Variants in KALRN observed in about 807,000 individuals in gnomAD.
KALRN encodes kalirin.
KALRN carries 70 observed loss-of-function variants against 353.7 expected under a neutral mutation model. The ratio of observed to expected loss-of-function variants is 0.20; its 90% CI spans 0.16 to 0.24. The LOEUF (loss-of-function observed/expected upper bound fraction) is 0.24. KALRN is among the 10% of genes least tolerant of loss of function. KALRN has a pLI of 1.00. For synonymous variants in KALRN, 1,391 were observed against 1,434.8 expected (o/e 0.97, Z 0.69); for missense variants, 2,791 against 3,756.7 (o/e 0.74, Z 6.72).
rs189537401 is a variant in KALRN at position 124,560,426 on chromosome 3, G to A, written c.4936-2417G>A. On this transcript the variant is annotated intron_variant, in intron 33 of 59. Transcript: ENST00000682506. ...AGAAAGAATTTCAGTCATCTAGGCCGGCATTCTACAGAGTCCATTAGCGAG... is the reference window on the plus strand; with the variant it reads ...AGAAAGAATTTCAGTCATCTAGGCCAGCATTCTACAGAGTCCATTAGCGAG... Among the ~76,000 whole-genome samples, 17 of 152,326 alleles carry A rather than the reference G, an allele frequency of 1.1e-4. No individual in the cohort carries two copies. In the East Asian group the frequency reaches 2.7e-3, roughly 24 times the overall value.
intron 33 of KALRN, among the ~76,000 whole-genome samples, chr3:124,500,473 T>A (rs2064387046): frequency 6.6e-6 from 1 of 152,134 alleles, no homozygotes; most frequent in South Asian, 2.1e-4. Flanking sequence ...TTCTTTAACA[T>A]CTCCAGGGAA....
At chr3:124,420,184 A>G (rs986356529) in intron 14 of KALRN, among the ~76,000 whole-genome samples, 3 of 152,258 alleles carry the variant, frequency 2.0e-5, no homozygotes, top group Admixed American at 2.0e-4. Context: ...GAGATGGATG[A>G]AAATGCAGGG....
intron 25 of KALRN, among the ~76,000 whole-genome samples, chr3:124,467,405 T>C (rs1215503982): frequency 6.6e-6 from 1 of 152,118 alleles, no homozygotes; most frequent in Non-Finnish European, 1.5e-5. Context: ...GACATATCTG[T>C]CTGCAATAAG....
intron 34 of KALRN, among the ~76,000 whole-genome samples, chr3:124,612,207 A>G (rs761902997): frequency 6.6e-6 from 1 of 150,564 alleles, no homozygotes; most frequent in African/African-American, 2.4e-5. Context: ...TAATTTTTTT[A>G]ATTTTTATTT....
rs549646308 is a variant in KALRN at position 124,244,299 on chromosome 3, G to A, written c.263+9356G>A. Among the ~76,000 whole-genome samples the A allele has an allele frequency of 2.6e-5, 4 of 152,136 alleles. No homozygotes were observed. The South Asian group carries it at 6.2e-4, about 24-fold the overall frequency. On this transcript the variant is annotated intron_variant, in intron 3 of 59. Coordinates refer to ENST00000682506, the MANE Select transcript of KALRN (RefSeq NM_001388419.1). ...GTCACCCAGGCTGGAGTGCAATGGC[G>A]TGATCTTGGCTCACTGCAACCTCCG...
In KALRN at chr3:124,215,236, C is replaced by T. The variant is rs1320912845; in HGVS notation, c.74-12754C>T. 5.9e-5 allele frequency among the ~76,000 whole-genome samples: 9 copies of T among 152,080 alleles called. 1 individual carries two copies. Among genetic ancestry groups the T allele is most frequent in the Admixed American group, 5.2e-4 (8 of 15,274 alleles). ...GAGGCTTTCTTTTACATCTGGGGCA[C>T]CTGGGTAGGGGAGCAGGAGTAGTTG... On this transcript the variant is annotated intron_variant, in intron 1 of 59. Coordinates refer to ENST00000682506, the MANE Select transcript of KALRN (RefSeq NM_001388419.1).
rs181884554 is a variant in KALRN at position 124,430,781 on chromosome 3, A to C, written c.2829+6A>C. ...AGTTCCAACTGGCCATCGAGGTAAC[A>C]CCCAAATCTGGCTGCACTGTCCTCC... is the stretch of plus-strand genomic sequence containing the variant. On this transcript the variant is annotated splice_donor_region_variant and intron_variant, in intron 16 of 59. Transcript: ENST00000682506. 3.1e-6 allele frequency: 5 copies of C among 1,613,408 alleles called. No individual in the cohort carries two copies. Among genetic ancestry groups the C allele is most frequent in the Non-Finnish European group, 4.2e-6 (5 of 1,179,754 alleles).
At chr3:124,665,844 C>G (rs552955448) in intron 45 of KALRN, among the ~76,000 whole-genome samples, 7 of 152,274 alleles carry the variant, frequency 4.6e-5, no homozygotes, top group Non-Finnish European at 8.8e-5. Flanking sequence ...CTATAGTACC[C>G]CCAACTTTAC....
intron 3 of KALRN, among the ~76,000 whole-genome samples, chr3:124,263,993 T>C (rs965832652): frequency 4.6e-5 from 7 of 151,670 alleles, no homozygotes; most frequent in African/African-American, 1.7e-4. Context: ...ACAAGTACAG[T>C]TGACTACAGG....
chr3:124,354,293 G>A (rs2083149486), intron 10 of KALRN, among the ~76,000 whole-genome samples: 1 of 152,198 alleles, frequency 6.6e-6, no homozygotes, highest in Admixed American at 6.5e-5. Context: ...TGTGATGGCA[G>A]TAACTACAGC....
At position 124,721,170 on chromosome 3, in the gene KALRN, T is replaced by C. The variant is rs1179310283; in HGVS notation, c.*1700T>C. ...CACAGAGAAAATGTAAAATTAAAAA[T>C]CATCATCTTTTTTTTTCCATTGGTT... On this transcript the variant is annotated 3_prime_UTR_variant, in exon 60 of 60. Transcript: ENST00000682506. 2 of 152,116 alleles carry C rather than the reference T, an allele frequency of 1.3e-5. No homozygotes were observed. Among genetic ancestry groups the C allele is most frequent in the African/African-American group, 4.8e-5 (2 of 41,418 alleles). 9.4% of individuals were successfully genotyped at this position (152,116 alleles called of 1,614,324 possible). A position where few individuals can be genotyped will look rare whatever the true frequency, so the allele number is the denominator to read the frequency against.
intron 16 of KALRN, 78 bp downstream of exon 16, chr3:124,430,853 G>GATTCTCA: frequency 6.6e-7 from 1 of 1,511,628 alleles, no homozygotes. Flanking sequence ...TCTCAGGTGT[G>GATTCTCA]GGTGTTCCTT....
intron 34 of KALRN, among the ~76,000 whole-genome samples, chr3:124,608,482 C>T (rs956649809): frequency 5.9e-5 from 9 of 152,166 alleles, no homozygotes; most frequent in African/African-American, 1.9e-4. Context: ...GCCCAAGCAC[C>T]CAGAGACTAG....
intron 1 of KALRN, among the ~76,000 whole-genome samples, chr3:124,208,669 T>C (rs1373051999): frequency 1.3e-5 from 2 of 152,084 alleles, no homozygotes; most frequent in African/African-American, 4.8e-5. Flanking sequence ...TTAATTCATA[T>C]AGAACCAAGA....
chr3:124,585,734 G>A (rs539653193), intron 34 of KALRN, among the ~76,000 whole-genome samples: 3 of 152,308 alleles, frequency 2.0e-5, no homozygotes, highest in Non-Finnish European at 4.4e-5. Context: ...GATAGCGGGG[G>A]AAGACTGTTT....
chr3:124,112,282 T>C (rs1462870727), intron 1 of KALRN, among the ~76,000 whole-genome samples: 1 of 131,338 alleles, frequency 7.6e-6, no homozygotes, highest in Non-Finnish European at 1.6e-5. Context: ...TAGCCTGGGC[T>C]ACAGAGTGAG....
At chr3:124,081,557 A>C (rs2060543802) in intron 1 of KALRN, among the ~76,000 whole-genome samples, 1 of 152,130 alleles carries the variant, frequency 6.6e-6, no homozygotes, top group Admixed American at 6.5e-5. Context: ...GATCGCTTGA[A>C]CCTAGGAGTT....
chr3:124,215,560 G>T (rs950564222), intron 1 of KALRN, among the ~76,000 whole-genome samples: 9 of 152,118 alleles, frequency 5.9e-5, no homozygotes, highest in Non-Finnish European at 1.3e-4. Context: ...CTAGGTGTCT[G>T]GTTTTTCAAT....
In KALRN at chr3:124,378,803, A is replaced by G. The variant is rs553999746; in HGVS notation, c.1771-6042A>G. Among the ~76,000 whole-genome samples the G allele has an allele frequency of 4.6e-5, 7 of 151,468 alleles. No homozygotes were observed. The South Asian group carries it at 1.5e-3, about 31-fold the overall frequency. On this transcript the variant is annotated intron_variant, in intron 10 of 59. Transcript: ENST00000682506. ...ATCATCCTTATCTTTGTTCCTCTGT[A>G]TATAGCTTGTCTTTTTTTCCTCTGT...
Sources: allele counts gnomAD v4.1 joint callset (sites outside exome capture counted in the v4.1 genomes callset), GRCh38; gene constraint gnomAD v4.1.1; transcripts MANE v1.5; gene names NCBI Gene and HGNC (gene_info 2026-07-23, HGNC 2026-07-21).